ROR1: variants seen among roughly 807,000 people sequenced by gnomAD.
ROR1 encodes the protein ROR family WNT receptor 1.
A neutral mutation model predicts 78.8 loss-of-function variants in ROR1; 19 were observed. The ratio of observed to expected loss-of-function variants is 0.24; its 90% CI spans 0.17 to 0.35. ROR1 has a LOEUF of 0.35. Ranked by LOEUF, ROR1 falls within the 10% of genes least tolerant of loss-of-function variation. The pLI is 1.00. For synonymous variants in ROR1, 386 were observed against 433.6 expected (o/e 0.89, Z 1.36); for missense variants, 917 against 1,177.8 (o/e 0.78, Z 3.24).
chr1:63,833,098 T>G (rs572516445), intron 1 of ROR1, among the ~76,000 whole-genome samples: 26 of 152,374 alleles, frequency 1.7e-4, no homozygotes, highest in Admixed American at 5.2e-4. Flanking sequence ...CATAGTGTGG[T>G]GATTTCTCAG....
At chr1:64,158,081 T>A (rs1649824072) in intron 7 of ROR1, among the ~76,000 whole-genome samples, 1 of 152,238 alleles carries the variant, frequency 6.6e-6, no homozygotes, top group Admixed American at 6.5e-5. Context: ...AATGACAATA[T>A]ATGCCTAAGT....
At position 63,868,049 on chromosome 1, in the gene ROR1, G is replaced by A. The variant is rs192220659; in HGVS notation, c.91+93541G>A. On this transcript the variant is annotated intron_variant, in intron 1 of 8. Coordinates refer to ENST00000371079, the MANE Select transcript of ROR1 (RefSeq NM_005012.4). ...CTGGAGTGAAGCTGCTAATGAAAAA[G>A]CAGCCATGGCAGGTCAGGACGAATC... Among the ~76,000 whole-genome samples the A allele has an allele frequency of 3.2e-3, 484 of 152,318 alleles. 3 individuals carry two copies. Among genetic ancestry groups the A allele is most frequent in the African/African-American group, 0.011 (458 of 41,562 alleles).
intron 1 of ROR1, among the ~76,000 whole-genome samples, chr1:63,950,430 T>A (rs879561637): frequency 2.6e-5 from 4 of 152,200 alleles, no homozygotes; most frequent in Non-Finnish European, 5.9e-5. Context: ...GGTGGGAGTT[T>A]AAGTATGGTA....
At position 64,014,761 on chromosome 1, in the gene ROR1, T is replaced by C. The variant is rs1267560537; in HGVS notation, c.163+5385T>C. On this transcript the variant is annotated intron_variant, in intron 2 of 8. Coordinates refer to ENST00000371079, the MANE Select transcript of ROR1 (RefSeq NM_005012.4). ...CACACTATATATATATATATATATA[T>C]ATATATATATATACACATTTTGTCC... Among the ~76,000 whole-genome samples the C allele has an allele frequency of 3.0e-4, 18 of 60,796 alleles. 3 individuals carry two copies. The Admixed American group carries it at 3.8e-3, about 13-fold the overall frequency. The allele number at this position is 60,796 out of a possible 152,430, so 39.9% of individuals were successfully genotyped here. A position where few individuals can be genotyped will look rare whatever the true frequency, so the allele number is the denominator to read the frequency against.
chr1:63,818,102 T>C (rs1644903129), intron 1 of ROR1, among the ~76,000 whole-genome samples: 1 of 152,208 alleles, frequency 6.6e-6, no homozygotes, highest in Non-Finnish European at 1.5e-5. Flanking sequence ...TGCAAAAAGA[T>C]TAAAGTATCT....
rs117216132 is a variant in ROR1, at chr1:64,061,026, A to G, written c.482+10310A>G. On this transcript the variant is annotated intron_variant, in intron 4 of 8. Transcript: ENST00000371079. ...ATACACCCTTGCCTTCTAGGAGTAC[A>G]CTTTCTGAGAGCTTGTTCACCAGGC... Among the ~76,000 whole-genome samples the G allele has an allele frequency of 1.1e-3, 172 of 152,292 alleles. 2 individuals carry two copies. In the East Asian group the frequency reaches 0.032, roughly 28 times the overall value.
At chr1:63,942,421 G>A (rs1309762468) in intron 1 of ROR1, among the ~76,000 whole-genome samples, 5 of 151,762 alleles carry the variant, frequency 3.3e-5, no homozygotes, top group Non-Finnish European at 1.5e-5. Flanking sequence ...TGTCTATTAT[G>A]ATTTTTATGT....
rs146701779 is a variant in ROR1, at chr1:64,059,941, G to A, written c.482+9225G>A. ...TTCACGGTTACCACAGAACTTGAGA[G>A]AGGAAAATGAGAACGGCAAATTAAA... On this transcript the variant is annotated intron_variant, in intron 4 of 8. Transcript: ENST00000371079. Among the ~76,000 whole-genome samples the A allele has an allele frequency of 3.9e-3, 601 of 152,168 alleles. 6 individuals are homozygous for A. Among genetic ancestry groups the A allele is most frequent in the African/African-American group, 0.014 (574 of 41,524 alleles).
Position 63,867,876 on chromosome 1 carries a change from C to T in ROR1, c.91+93368C>T, listed in dbSNP as rs559458582. 1.5e-4 allele frequency among the ~76,000 whole-genome samples: 23 copies of T among 152,308 alleles called. No homozygotes were observed. The Middle Eastern group carries it at 0.014, about 90-fold the overall frequency. On this transcript the variant is annotated intron_variant, in intron 1 of 8. Transcript: ENST00000371079. Reference sequence around the variant, plus strand: ...TGATCTGCTTCTCTTTTCCCGATTCCGGCTGTCTGGGGGATGCTGAAGCTT... The same window carrying T: ...TGATCTGCTTCTCTTTTCCCGATTCTGGCTGTCTGGGGGATGCTGAAGCTT...
intron 1 of ROR1, among the ~76,000 whole-genome samples, chr1:63,807,813 G>A (rs1429291343): frequency 6.6e-6 from 1 of 152,106 alleles, no homozygotes; most frequent in African/African-American, 2.4e-5. Context: ...AGAGTGGAGG[G>A]ATCTGTGCTG....
At chr1:63,841,449 T>G (rs1340915794) in intron 1 of ROR1, among the ~76,000 whole-genome samples, 1 of 152,222 alleles carries the variant, frequency 6.6e-6, no homozygotes, top group East Asian at 1.9e-4. Context: ...TAATAGAACT[T>G]TTTTCTCCAA....
chr1:63,855,114 A>G (rs2100336209), intron 1 of ROR1, among the ~76,000 whole-genome samples: 1 of 152,306 alleles, frequency 6.6e-6, no homozygotes, highest in South Asian at 2.1e-4. Flanking sequence ...TTTGGATTAT[A>G]TGAAAATACC....
At chr1:63,940,010 C>T (rs534120602) in intron 1 of ROR1, among the ~76,000 whole-genome samples, 1 of 152,220 alleles carries the variant, frequency 6.6e-6, no homozygotes, top group Admixed American at 6.5e-5. Flanking sequence ...CCTGAGTATC[C>T]TGTATACAGG....
intron 1 of ROR1, among the ~76,000 whole-genome samples, chr1:63,998,961 C>T (rs776008578): frequency 6.6e-5 from 10 of 152,216 alleles, no homozygotes; most frequent in Non-Finnish European, 1.2e-4. Flanking sequence ...TTTTGCTTCT[C>T]TCTCATCCTC....
intron 1 of ROR1, among the ~76,000 whole-genome samples, chr1:63,900,453 CAA>C (rs371935993): frequency 9.0e-6 from 1 of 110,712 alleles, no homozygotes; most frequent in African/African-American, 3.5e-5. Context: ...GACTCCATCT[CAA>C]AAAAAAAAAA....
chr1:64,153,701 C>A (rs1649692427), intron 7 of ROR1, among the ~76,000 whole-genome samples: 1 of 151,800 alleles, frequency 6.6e-6, no homozygotes. Context: ...CTAAAATAGT[C>A]AAAATCAGAA....
intron 8 of ROR1, among the ~76,000 whole-genome samples, chr1:64,172,119 TA>T (rs1041966897): frequency 3.3e-5 from 5 of 152,130 alleles, no homozygotes; most frequent in African/African-American, 1.2e-4. Context: ...CTTTCATATC[TA>T]AAGTTAAGAG....
At position 63,968,216 on chromosome 1, in the gene ROR1, G is replaced by T. The variant is rs1009432626; in HGVS notation, c.92-41089G>T. ...ATGTAGATAACGATTTATGGATAAA[G>T]TGACTATAACAATTTTATTTACAGT... On this transcript the variant is annotated intron_variant, in intron 1 of 8. Coordinates refer to ENST00000371079, the MANE Select transcript of ROR1 (RefSeq NM_005012.4). 1.1e-4 allele frequency among the ~76,000 whole-genome samples: 17 copies of T among 152,138 alleles called. 1 individual carries two copies. Among genetic ancestry groups the T allele is most frequent in the Admixed American group, 1.0e-3 (16 of 15,274 alleles).
chr1:64,113,249 T>C (rs1648181048), intron 4 of ROR1, among the ~76,000 whole-genome samples: 2 of 152,172 alleles, frequency 1.3e-5, no homozygotes, highest in South Asian at 4.1e-4. Context: ...AGGGAAGAGA[T>C]TGTATTTTCT....
Sources: gnomAD v4.1 joint callset for allele counts (sites outside exome capture counted in the v4.1 genomes callset) on GRCh38, gnomAD v4.1.1 for gene constraint, MANE v1.5 for transcripts, NCBI Gene and HGNC (gene_info 2026-07-23, HGNC 2026-07-21) for gene names.